CEP41: variants seen among roughly 807,000 people sequenced by gnomAD.
CEP41 encodes the protein centrosomal protein 41.
A neutral mutation model predicts 44.3 loss-of-function variants in CEP41; 32 were observed. The ratio of observed to expected loss-of-function variants is 0.72; its 90% CI spans 0.54 to 0.97. The LOEUF is 0.97. Among genes scored for constraint, CEP41 ranks in the 50% least tolerant of loss-of-function variants. CEP41 has a pLI of 0.00. For missense variants in CEP41, 432 were observed against 455.2 expected, an observed-to-expected ratio of 0.95 and a Z score of 0.46; for synonymous variants, 151 against 168.5, an observed-to-expected ratio of 0.90 and a Z score of 0.80.
At chr7:130,404,381 C>T (rs1796943516) in intron 6 of CEP41, among the ~76,000 whole-genome samples, 183 bp downstream of exon 6, 1 of 151,670 alleles carries the variant, frequency 6.6e-6, no homozygotes, top group Non-Finnish European at 1.5e-5. Context: ...AGTAAGAATG[C>T]AGTGAAAAAG....
At chr7:130,440,053 CTT>C (rs2117733169) in intron 1 of CEP41, among the ~76,000 whole-genome samples, 2 of 152,142 alleles carry the variant, frequency 1.3e-5, no homozygotes, top group South Asian at 4.2e-4. Context: ...CAGAGTCGCT[CTT>C]ATCACCCAGG....
chr7:130,398,385 G>C lies in CEP41; in HGVS notation c.*506C>G. On this transcript the variant is annotated 3_prime_UTR_variant, in exon 11 of 11. Transcript: ENST00000223208. ...GAGTGAGCCTGCTGGGGTGGGGTCT[G>C]CAGGCGGCTGGAACCTAAGGCTCAT... 1 of 454,048 alleles carries C rather than the reference G, an allele frequency of 2.2e-6. No homozygotes were observed. Among genetic ancestry groups the C allele is most frequent in the South Asian group, 1.6e-5 (1 of 64,456 alleles). The allele number at this position is 454,048 out of a possible 1,614,324, so 28.1% of individuals were successfully genotyped here.
At position 130,419,065 on chromosome 7, in the gene CEP41, T is replaced by C. The variant is rs185832705; in HGVS notation, c.98-2099A>G. On this transcript the variant is annotated intron_variant, in intron 2 of 10. Coordinates refer to ENST00000223208, the MANE Select transcript of CEP41 (RefSeq NM_018718.3). ...TACAAACATTTCAGGGTAATTACAC[T>C]TAACACTTTATTTTGTATCAGCTGA... The C allele has an allele frequency of 3.0e-6, 3 of 985,466 alleles. No homozygotes were observed. The Admixed American group carries it at 1.8e-4, about 61-fold the overall frequency. 61.0% of individuals were successfully genotyped at this position (985,466 alleles called of 1,614,324 possible). A position where few individuals can be genotyped will look rare whatever the true frequency, so the allele number is the denominator to read the frequency against.
At chr7:130,427,566 G>GC (rs1156699786) in intron 2 of CEP41, among the ~76,000 whole-genome samples, 1 of 152,036 alleles carries the variant, frequency 6.6e-6, no homozygotes, top group East Asian at 1.9e-4. Flanking sequence ...TGCAAACACT[G>GC]CATTGAACAA....
chr7:130,415,720 G>A (rs1011996080), intron 3 of CEP41, among the ~76,000 whole-genome samples: 1 of 152,180 alleles, frequency 6.6e-6, no homozygotes, highest in South Asian at 2.1e-4. Flanking sequence ...TGACAGAGAC[G>A]ACAAACCCAA....
At chr7:130,416,723 C>T (rs1797348471) in intron 3 of CEP41, among the ~76,000 whole-genome samples, 196 bp downstream of exon 3, 1 of 152,180 alleles carries the variant, frequency 6.6e-6, no homozygotes, top group South Asian at 2.1e-4. Flanking sequence ...GAATTTAGGC[C>T]TACAGGCCAC....
At chr7:130,410,270 G>C (rs1554419225) in intron 5 of CEP41, among the ~76,000 whole-genome samples, 1 of 151,926 alleles carries the variant, frequency 6.6e-6, no homozygotes, top group African/African-American at 2.4e-5. Flanking sequence ...CTCGTGATCT[G>C]CCCGCCTTGG....
Position 130,398,390 on chromosome 7 carries a change from C to T in CEP41, c.*501G>A, listed in dbSNP as rs959673443. ...AGCCTGCTGGGGTGGGGTCTGCAGG[C>T]GGCTGGAACCTAAGGCTCATCTGCA... On this transcript the variant is annotated 3_prime_UTR_variant, in exon 11 of 11. Coordinates refer to ENST00000223208, the MANE Select transcript of CEP41 (RefSeq NM_018718.3). 1.1e-5 allele frequency: 5 copies of T among 453,844 alleles called. No individual in the cohort carries two copies. Among genetic ancestry groups the T allele is most frequent in the East Asian group, 6.9e-5 (1 of 14,392 alleles). The allele number at this position is 453,844 out of a possible 1,614,324, so 28.1% of individuals were successfully genotyped here.
chr7:130,407,253 A>AACACACACAC (rs60030288), intron 5 of CEP41, among the ~76,000 whole-genome samples: 5 of 129,402 alleles, frequency 3.9e-5, no homozygotes, highest in East Asian at 2.2e-4. Flanking sequence ...AACAAGAGTA[A>AACACACACAC]ACACACACAC....
intron 2 of CEP41, among the ~76,000 whole-genome samples, chr7:130,424,557 C>T (rs1797603851): frequency 2.0e-5 from 3 of 152,030 alleles, no homozygotes; most frequent in Admixed American, 6.6e-5. Flanking sequence ...AATAGACCCA[C>T]GTAAATATGC....
chr7:130,430,208 A>G lies in CEP41; in HGVS notation c.34-2190T>C, dbSNP rs1244490529. On this transcript the variant is annotated intron_variant, in intron 1 of 10. Coordinates refer to ENST00000223208, the MANE Select transcript of CEP41 (RefSeq NM_018718.3). ...TTTAAAACTAGAGGCACCTTTTAAT[A>G]TTGCCAAGGACATAAAAAACAAAAC... Among the ~76,000 whole-genome samples, 3 of 152,308 alleles carry G rather than the reference A, an allele frequency of 2.0e-5. No homozygotes were observed. The East Asian group carries it at 5.8e-4, about 29-fold the overall frequency.
intron 5 of CEP41, among the ~76,000 whole-genome samples, chr7:130,410,312 G>A (rs956086990): frequency 6.6e-6 from 1 of 151,840 alleles, no homozygotes; most frequent in Non-Finnish European, 1.5e-5. Flanking sequence ...TGGGGGTGAG[G>A]CACTGGGCGT....
chr7:130,421,181 T>C, intron 2 of CEP41: 1 of 985,342 alleles, frequency 1.0e-6, no homozygotes, highest in Non-Finnish European at 1.2e-6. Flanking sequence ...GAGTCATTCA[T>C]TAGATTTTTT....
chr7:130,418,559 T>C lies in CEP41; in HGVS notation c.98-1593A>G, dbSNP rs1229032685. Among the ~76,000 whole-genome samples the C allele has an allele frequency of 2.0e-5, 3 of 152,210 alleles. No individual in the cohort carries two copies. In the South Asian group the frequency reaches 6.2e-4, roughly 32 times the overall value. The stretch of plus-strand genomic sequence containing the variant: ...CTGAGTCACCCACAGTTGCATGTTA[T>C]TGACGTGGCAGGTAGTTTCTTTCGG... On this transcript the variant is annotated intron_variant, in intron 2 of 10. Coordinates refer to ENST00000223208, the MANE Select transcript of CEP41 (RefSeq NM_018718.3).
Position 130,410,841 on chromosome 7 carries a change from C to T in CEP41, c.277+281G>A, listed in dbSNP as rs1203816912. The T allele has an allele frequency of 6.2e-6, 3 of 482,888 alleles. No individual in the cohort carries two copies. In the South Asian group the frequency reaches 6.4e-5, roughly 10 times the overall value. 29.9% of individuals were successfully genotyped at this position (482,888 alleles called of 1,614,324 possible). A position where few individuals can be genotyped will look rare whatever the true frequency, so the allele number is the denominator to read the frequency against. On this transcript the variant is annotated intron_variant, in intron 5 of 10. Coordinates refer to ENST00000223208, the MANE Select transcript of CEP41 (RefSeq NM_018718.3). ...TCTCATAGTACTTAATGTGTAGGTA[C>T]AAAGAATGCTAAAAATATTTGTTGA...
rs961609349 is a variant in CEP41 at position 130,421,818 on chromosome 7, G to A, written c.98-4852C>T. ...TGGGGACTAATAAAGGGAGAGCCCT[G>A]TGGTTTGGAAAGTGTCCCTTAATCA... On this transcript the variant is annotated intron_variant, in intron 2 of 10. Transcript: ENST00000223208. The A allele has an allele frequency of 9.5e-6, 13 of 1,367,086 alleles. No individual in the cohort carries two copies. In the African/African-American group the frequency reaches 1.8e-4, roughly 19 times the overall value. The allele number at this position is 1,367,086 out of a possible 1,614,324, so 84.7% of individuals were successfully genotyped here. A position where few individuals can be genotyped will look rare whatever the true frequency, so the allele number is the denominator to read the frequency against.
At chr7:130,436,498 T>C (rs527723575) in intron 1 of CEP41, among the ~76,000 whole-genome samples, 9 of 152,162 alleles carry the variant, frequency 5.9e-5, no homozygotes, top group African/African-American at 2.2e-4. Context: ...TAAATCTTGA[T>C]TAAATCTATA....
intron 2 of CEP41, chr7:130,426,843 TA>T: frequency 3.7e-6 from 1 of 269,254 alleles, no homozygotes; most frequent in South Asian, 3.4e-5. Context: ...CTCTCTCCTT[TA>T]TTGAACTCCG....
chr7:130,441,149 A>T, upstream of CEP41: 1 of 726,846 alleles, frequency 1.4e-6, no homozygotes, highest in Non-Finnish European at 2.4e-6. Flanking sequence ...GAAGGGCAAG[A>T]CGCCGCTCAA....
Sources: gnomAD v4.1 joint callset for allele counts (sites outside exome capture counted in the v4.1 genomes callset) on GRCh38, gnomAD v4.1.1 for gene constraint, MANE v1.5 for transcripts, NCBI Gene and HGNC (gene_info 2026-07-23, HGNC 2026-07-21) for gene names.